DMD: variants seen among roughly 807,000 people sequenced by gnomAD.
The protein encoded by DMD is dystrophin.
DMD carries 63 observed loss-of-function variants against 330.1 expected under a neutral mutation model. The ratio of observed to expected loss-of-function variants is 0.19; its 90% CI spans 0.16 to 0.24. DMD has a LOEUF of 0.24. Ranked by LOEUF, DMD falls within the 10% of genes least tolerant of loss-of-function variation. The pLI is 1.00. For missense variants in DMD, 3,344 were observed against 2,684.1 expected, an observed-to-expected ratio of 1.25 and a Z score of -5.43; for synonymous variants, 1,223 against 959.8, an observed-to-expected ratio of 1.27 and a Z score of -5.07.
chrX:32,382,617 ATT>A (rs5902030), intron 33 of DMD, among the ~76,000 whole-genome samples: 5 of 101,842 alleles, frequency 4.9e-5, no homozygotes, highest in Admixed American at 1.1e-4. Flanking sequence ...TTTCCCTTCT[ATT>A]TTTTTTTTTC....
At chrX:33,198,378 G>T (rs1223232610) in intron 1 of DMD, among the ~76,000 whole-genome samples, 2 of 110,700 alleles carry the variant, frequency 1.8e-5, no homozygotes, top group Non-Finnish European at 3.8e-5. Flanking sequence ...AAGGACATGG[G>T]TTAAAAACAG....
At chrX:32,325,072 A>G (rs1305205431) in intron 41 of DMD, among the ~76,000 whole-genome samples, 1 of 111,732 alleles carries the variant, frequency 8.9e-6, no homozygotes. Context: ...AATAATACAC[A>G]GAATAAAGCA....
intron 49 of DMD, among the ~76,000 whole-genome samples, chrX:31,821,271 G>A (rs184639435): frequency 1.3e-3 from 145 of 112,538 alleles, no homozygotes; most frequent in Non-Finnish European, 1.7e-3. Context: ...TGGTAGCCCC[G>A]GAGTTCTGGA....
intron 2 of DMD, among the ~76,000 whole-genome samples, chrX:32,978,737 G>C (rs144462539): frequency 8.9e-6 from 1 of 112,546 alleles, no homozygotes; most frequent in East Asian, 2.8e-4. Flanking sequence ...CCAAAGTGCT[G>C]GGATTACAGG....
At chrX:33,092,489 C>T (rs1165737397) in intron 1 of DMD, among the ~76,000 whole-genome samples, 1 of 111,139 alleles carries the variant, frequency 9.0e-6, no homozygotes, top group Non-Finnish European at 1.9e-5. Flanking sequence ...AAAAAAATTC[C>T]CTTTTCCTGA....
intron 2 of DMD, among the ~76,000 whole-genome samples, chrX:33,009,162 GTATATATAT>G (rs1569548831): frequency 8.0e-4 from 2 of 2,510 alleles, no homozygotes; most frequent in Non-Finnish European, 1.5e-3. Context: ...ACGTATATAT[GTATATATAT>G]GTGTATATAT....
rs1424823047 is a variant in DMD, at chrX:33,191,210, C to T, written c.31+20072G>A. On this transcript the variant is annotated intron_variant, in intron 1 of 78. Transcript: ENST00000357033. ...AAGGCTCTTATCTGGGATATAACTGCAACCCTCTTACACCTGCTTTTAGAA... is the reference window on the plus strand; with the variant it reads ...AAGGCTCTTATCTGGGATATAACTGTAACCCTCTTACACCTGCTTTTAGAA... Among the ~76,000 whole-genome samples the T allele has an allele frequency of 2.9e-5, 3 of 104,237 alleles. No homozygotes were observed. The Admixed American group carries it at 3.3e-4, about 12-fold the overall frequency. The allele number at this position is 104,237 out of a possible 115,157, so 90.5% of individuals were successfully genotyped here. A position where few individuals can be genotyped will look rare whatever the true frequency, so the allele number is the denominator to read the frequency against.
chrX:32,218,535 T>G lies in DMD; in HGVS notation c.6291-1472A>C, dbSNP rs190246636. Among the ~76,000 whole-genome samples the G allele has an allele frequency of 2.7e-5, 3 of 112,100 alleles. No individual in the cohort carries two copies. The Admixed American group carries it at 2.8e-4, about 11-fold the overall frequency. ...ATACCATGATATCTTTTCAGTCCTCTACCTTCATTCAGGAATTTAAAGTAA... is the reference window on the plus strand; with the variant it reads ...ATACCATGATATCTTTTCAGTCCTCGACCTTCATTCAGGAATTTAAAGTAA... On this transcript the variant is annotated intron_variant, in intron 43 of 78. Transcript: ENST00000357033.
At chrX:32,642,560 T>A (rs1308594377) in intron 11 of DMD, among the ~76,000 whole-genome samples, 1 of 112,082 alleles carries the variant, frequency 8.9e-6, no homozygotes, top group Non-Finnish European at 1.9e-5. Context: ...ATGGCAGACA[T>A]CCCTTGAAGG....
At chrX:31,623,130 T>C (rs1358513528) in intron 55 of DMD, among the ~76,000 whole-genome samples, 1 of 110,698 alleles carries the variant, frequency 9.0e-6, no homozygotes, top group African/African-American at 3.3e-5. Context: ...CATTCTCAGA[T>C]AGTCCAAGAA....
intron 52 of DMD, among the ~76,000 whole-genome samples, chrX:31,704,324 A>G (rs1433815082): frequency 9.0e-6 from 1 of 111,470 alleles, no homozygotes; most frequent in Non-Finnish European, 1.9e-5. Flanking sequence ...CTGGAAAATC[A>G]TAACTATACA....
intron 16 of DMD, 30 bp from the exon 17 acceptor site, chrX:32,545,364 C>A: frequency 8.4e-7 from 1 of 1,193,228 alleles, no homozygotes; most frequent in Non-Finnish European, 1.1e-6. Flanking sequence ...AGAGGTCAGA[C>A]ATTGCTAGAA....
In DMD at chrX:31,769,397, A is replaced by G. The variant is rs988376585; in HGVS notation, c.7542+4563T>C. On this transcript the variant is annotated intron_variant, in intron 51 of 78. Transcript: ENST00000357033. ...ACATTTATTGAGAACCAATTACTGT[A>G]CGTGTCATGGTCAAACAAATTTATA... Among the ~76,000 whole-genome samples, 3 of 112,294 alleles carry G rather than the reference A, an allele frequency of 2.7e-5. No individual in the cohort carries two copies. The Admixed American group carries it at 2.8e-4, about 11-fold the overall frequency.
At chrX:32,659,842 G>C (rs1291694995) in intron 9 of DMD, among the ~76,000 whole-genome samples, 1 of 110,635 alleles carries the variant, frequency 9.0e-6, no homozygotes, top group African/African-American at 3.3e-5. Context: ...CAAGGAAAGA[G>C]ATTCTTGGAA....
rs1200735482 is a variant in DMD, at chrX:32,410,074, G to GT, written c.4233+1677dup. ...GTTAATTCTAGAGAACCTGGCTTGT[G>GT]TAAGTTTGAAAAATATATATACTGG... On this transcript the variant is annotated intron_variant, in intron 30 of 78. Coordinates refer to ENST00000357033, the MANE Select transcript of DMD (RefSeq NM_004006.3). 7.2e-5 allele frequency among the ~76,000 whole-genome samples: 8 copies of GT among 111,657 alleles called. No homozygotes were observed. The Admixed American group carries it at 7.6e-4, about 11-fold the overall frequency.
intron 1 of DMD, among the ~76,000 whole-genome samples, chrX:33,309,605 T>C (rs1171768114): frequency 9.0e-6 from 1 of 111,178 alleles, no homozygotes; most frequent in African/African-American, 3.3e-5. Context: ...GTAAACTTTT[T>C]ATTTTAGAAT....
chrX:32,719,080 C>A (rs1467959973), intron 7 of DMD, among the ~76,000 whole-genome samples: 1 of 111,702 alleles, frequency 9.0e-6, no homozygotes, highest in Non-Finnish European at 1.9e-5. Context: ...AGGTGATTCA[C>A]AAACACTAAA....
chrX:32,176,253 T>C (rs1335707062), intron 44 of DMD, among the ~76,000 whole-genome samples: 1 of 112,264 alleles, frequency 8.9e-6, no homozygotes, highest in Non-Finnish European at 1.9e-5. Context: ...TTTTCCTTTC[T>C]CAGTTTGTAT....
intron 74 of DMD, among the ~76,000 whole-genome samples, chrX:31,168,111 G>C (rs770672750): frequency 4.5e-5 from 5 of 111,887 alleles, no homozygotes; most frequent in African/African-American, 1.6e-4. Flanking sequence ...TGGTGGGTTA[G>C]AGGTTAGCAG....
Sources: allele counts gnomAD v4.1 joint callset (sites outside exome capture counted in the v4.1 genomes callset), GRCh38; gene constraint gnomAD v4.1.1; transcripts MANE v1.5; gene names NCBI Gene and HGNC (gene_info 2026-07-23, HGNC 2026-07-21).